Variants in CACNA2D4 observed in about 807,000 individuals in gnomAD.
The protein encoded by CACNA2D4 is calcium voltage-gated channel auxiliary subunit alpha2delta 4.
Under a neutral mutation model 163.8 loss-of-function variants are expected in CACNA2D4, and 157 were observed. The observed-to-expected ratio is 0.96, with a 90% CI of 0.84 to 1.09. CACNA2D4 has a LOEUF of 1.09. Ranked by LOEUF, CACNA2D4 falls within the 50% of genes least tolerant of loss-of-function variation. The probability of loss-of-function intolerance (pLI) is 0.00; values close to 1 mark genes in which losing one functional copy is unlikely to be tolerated. For synonymous variants in CACNA2D4, 598 were observed against 586.9 expected (o/e 1.02, Z -0.27); for missense variants, 1,410 against 1,479.9 (o/e 0.95, Z 0.78).
chr12:1,825,578 G>A (rs1864279628), intron 26 of CACNA2D4, among the ~76,000 whole-genome samples: 1 of 152,224 alleles, frequency 6.6e-6, no homozygotes, highest in East Asian at 1.9e-4. Flanking sequence ...AAGTGCTGGA[G>A]TGCTGCCAGC....
intron 6 of CACNA2D4, among the ~76,000 whole-genome samples, chr12:1,898,894 T>C (rs1866471851): frequency 1.3e-5 from 2 of 152,126 alleles, no homozygotes; most frequent in Admixed American, 1.3e-4. Context: ...TTCATAGAGA[T>C]TGGCATAGAA....
intron 11 of CACNA2D4, 126 bp from the exon 12 acceptor site, chr12:1,884,447 C>T: frequency 1.3e-6 from 1 of 754,954 alleles, no homozygotes; most frequent in Non-Finnish European, 2.3e-6. Context: ...CCAATTTCAC[C>T]CCCTGAGGCC....
intron 18 of CACNA2D4, among the ~76,000 whole-genome samples, chr12:1,865,188 C>T (rs1325980640): frequency 6.6e-6 from 1 of 152,172 alleles, no homozygotes; most frequent in East Asian, 1.9e-4. Flanking sequence ...TTGCTCGTGG[C>T]GCGTCTCTCC....
chr12:1,889,583 C>G (rs532296482), intron 6 of CACNA2D4, among the ~76,000 whole-genome samples: 5 of 138,842 alleles, frequency 3.6e-5, no homozygotes, highest in African/African-American at 9.7e-5. Flanking sequence ...CTCAGCCGCC[C>G]CCCCCAGTAG....
At chr12:1,800,126 C>T in intron 32 of CACNA2D4, 74 bp from the exon 33 acceptor site, 1 of 1,419,274 alleles carries the variant, frequency 7.0e-7, no homozygotes, top group Non-Finnish European at 9.7e-7. Context: ...CTGGAGTATC[C>T]CTGACAGCCC....
At chr12:1,809,076 G>A (rs1209568343) in intron 29 of CACNA2D4, among the ~76,000 whole-genome samples, 1 of 152,216 alleles carries the variant, frequency 6.6e-6, no homozygotes, top group Non-Finnish European at 1.5e-5. Flanking sequence ...CGTTAAGTGG[G>A]TCATTTAAAC....
chr12:1,887,069 C>T lies in CACNA2D4; in HGVS notation c.782G>A (p.Gly261Asp). ...SATGFFRIYP[G>D]IKWTPDENGV... is the part of the protein sequence containing the mutation. ...ATTCTCATCAGGTGTCCATTTTATA[C>T]CTGGGAGAATAAAGACTCGTTCTTT... The change falls in exon 7 of 38, where the codon GGT becomes GAT. Residue 261 changes from glycine (G) to aspartate (D), a missense_variant and splice_region_variant. Gly to Asp is a moderately conservative substitution (Grantham distance 94). Transcript: ENST00000382722. The T allele has an allele frequency of 6.3e-7, 1 of 1,581,788 alleles. No individual in the cohort carries two copies. The highest frequency in any genetic ancestry group is 8.6e-7 in the Non-Finnish European group (1 of 1,160,716).
chr12:1,852,939 G>A (rs1865317725), intron 23 of CACNA2D4, among the ~76,000 whole-genome samples: 1 of 152,126 alleles, frequency 6.6e-6, no homozygotes, highest in African/African-American at 2.4e-5. Context: ...CTGTGTGGGT[G>A]AGGACTGCGG....
In CACNA2D4 at chr12:1,866,927, C is replaced by T. The variant is rs1489070800; in HGVS notation, c.1879-6721G>A. Among the ~76,000 whole-genome samples, 3 of 152,054 alleles carry T rather than the reference C, an allele frequency of 2.0e-5. No individual in the cohort carries two copies. The South Asian group carries it at 6.2e-4, about 32-fold the overall frequency. ...GGATTACAGGTGTGAGCTACTGCCCCGGCCTGAAAATGTCCTTACCGAAGA... is the reference window on the plus strand; with the variant it reads ...GGATTACAGGTGTGAGCTACTGCCCTGGCCTGAAAATGTCCTTACCGAAGA... On this transcript the variant is annotated intron_variant, in intron 18 of 37. Coordinates refer to ENST00000382722, the MANE Select transcript of CACNA2D4 (RefSeq NM_172364.5).
intron 30 of CACNA2D4, among the ~76,000 whole-genome samples, 186 bp from the exon 31 acceptor site, chr12:1,801,304 A>G (rs920776735): frequency 6.6e-6 from 1 of 152,226 alleles, no homozygotes; most frequent in Non-Finnish European, 1.5e-5. Context: ...TTTAAAGACA[A>G]TGAAGAGCAA....
chr12:1,818,418 C>G (rs1466681082), intron 26 of CACNA2D4, among the ~76,000 whole-genome samples: 1 of 151,882 alleles, frequency 6.6e-6, no homozygotes, highest in Non-Finnish European at 1.5e-5. Flanking sequence ...TCATTTTGTT[C>G]TGCACTAAGA....
chr12:1,909,245 GC>G (rs1229467083), intron 4 of CACNA2D4, among the ~76,000 whole-genome samples: 3 of 152,236 alleles, frequency 2.0e-5, no homozygotes, highest in Admixed American at 6.5e-5. Context: ...AGGCTGGAGT[GC>G]AGTGGCGCGA....
intron 6 of CACNA2D4, among the ~76,000 whole-genome samples, chr12:1,895,808 T>A (rs531533799): frequency 6.6e-6 from 1 of 151,906 alleles, no homozygotes; most frequent in Admixed American, 6.6e-5. Flanking sequence ...GGTTACATTT[T>A]AAAATTTTTT....
chr12:1,886,495 A>G (rs1866149718), intron 7 of CACNA2D4, 122 bp from the exon 8 acceptor site: 3 of 837,434 alleles, frequency 3.6e-6, no homozygotes, highest in Non-Finnish European at 5.6e-6. Flanking sequence ...GTTCAGGGCA[A>G]CCCATCTATG....
At chr12:1,868,134 ACAT>A (rs1191056319) in intron 18 of CACNA2D4, among the ~76,000 whole-genome samples, 1 of 152,224 alleles carries the variant, frequency 6.6e-6, no homozygotes, top group Non-Finnish European at 1.5e-5. Flanking sequence ...AAGGGAAAGG[ACAT>A]CACCACCTCA....
At chr12:1,825,229 C>A (rs1247737960) in intron 26 of CACNA2D4, among the ~76,000 whole-genome samples, 2 of 152,166 alleles carry the variant, frequency 1.3e-5, no homozygotes, top group African/African-American at 4.8e-5. Flanking sequence ...GTGGGAGACA[C>A]TGAGGGATGG....
In CACNA2D4 at chr12:1,799,598, G is replaced by C; in HGVS notation, c.2995+77C>G. ...TGGGGTCATTCCTGGGACAGGTCATGGAGGGTGGGTTCTTTGTAGCTCCTG... is the reference window on the plus strand; with the variant it reads ...TGGGGTCATTCCTGGGACAGGTCATCGAGGGTGGGTTCTTTGTAGCTCCTG... On this transcript the variant is annotated intron_variant, in intron 34 of 37. Coordinates refer to ENST00000382722, the MANE Select transcript of CACNA2D4 (RefSeq NM_172364.5). This position sits in a 1 kb window ranked among gnomAD's most constrained non-coding sequence, Gnocchi z 4.7. 1 of 1,459,588 alleles carries C rather than the reference G, an allele frequency of 6.9e-7. No individual in the cohort carries two copies. The highest frequency in any genetic ancestry group is 9.4e-7 in the Non-Finnish European group (1 of 1,063,880). The allele number at this position is 1,459,588 out of a possible 1,614,324, so 90.4% of individuals were successfully genotyped here. A position where few individuals can be genotyped will look rare whatever the true frequency, so the allele number is the denominator to read the frequency against.
chr12:1,820,649 G>GT lies in CACNA2D4; in HGVS notation c.2552-8927dup, dbSNP rs1864060333. ...CAAGCAGTCCACCTCCTGGTGCTGT[G>GT]TGCTGCGTGCCAGCCGCTGCTCCCG... On this transcript the variant is annotated intron_variant, in intron 26 of 37. Transcript: ENST00000382722. This position sits in a 1 kb window ranked among gnomAD's most constrained non-coding sequence, Gnocchi z 6.0. 1 of 152,416 alleles carries GT rather than the reference G, an allele frequency of 6.6e-6. No individual in the cohort carries two copies. Among genetic ancestry groups the GT allele is most frequent in the South Asian group, 2.1e-4 (1 of 4,834 alleles). 9.4% of individuals were successfully genotyped at this position (152,416 alleles called of 1,614,324 possible). A position where few individuals can be genotyped will look rare whatever the true frequency, so the allele number is the denominator to read the frequency against.
chr12:1,845,403 G>A (rs1206101685), intron 24 of CACNA2D4, among the ~76,000 whole-genome samples: 1 of 151,896 alleles, frequency 6.6e-6, no homozygotes, highest in Non-Finnish European at 1.5e-5. Context: ...GAGGAGGGGA[G>A]GGAGGAGGGA....
Sources: allele counts gnomAD v4.1 joint callset (sites outside exome capture counted in the v4.1 genomes callset), GRCh38; gene constraint gnomAD v4.1.1; non-coding constraint Gnocchi (gnomAD v3.1); transcripts MANE v1.5; gene names NCBI Gene and HGNC (gene_info 2026-07-23, HGNC 2026-07-21).